The following MATK variants were observed in gnomAD, a reference collection of about 807,000 sequenced individuals.
MATK encodes the protein megakaryocyte-associated tyrosine kinase.
In MATK, 41 loss-of-function variants were observed where a neutral mutation model predicts 59.8. The ratio of observed to expected loss-of-function variants is 0.69; its 90% CI spans 0.53 to 0.89. The LOEUF is 0.89. Among genes scored for constraint, MATK ranks in the 40% least tolerant of loss-of-function variants. MATK has a pLI of 0.00. For synonymous variants in MATK, 308 were observed against 306.1 expected, an observed-to-expected ratio of 1.01 and a Z score of -0.06; for missense variants, 593 against 719.6, an observed-to-expected ratio of 0.82 and a Z score of 2.01.
At chr19:3,783,072 G>C in intron 7 of MATK, 54 bp downstream of exon 7, 1 of 1,573,314 alleles carries the variant, frequency 6.4e-7, no homozygotes, top group Non-Finnish European at 8.7e-7. Flanking sequence ...CCTTCCTCCC[G>C]GACTGGGCTA....
At chr19:3,796,525 G>A (rs2037596106) in intron 1 of MATK, among the ~76,000 whole-genome samples, 1 of 152,072 alleles carries the variant, frequency 6.6e-6, no homozygotes, top group South Asian at 2.1e-4. Flanking sequence ...TGTATACTAA[G>A]AACATTATTT....
chr19:3,784,717 G>A lies in MATK; in HGVS notation c.132+108C>T, dbSNP rs964609942. ...GAGAAAGGCCAGGCCGAGGCCAGCA[G>A]AAGGGGGTAGGGGGCAGAGAGTACA... On this transcript the variant is annotated intron_variant, in intron 3 of 13. Coordinates refer to ENST00000310132, the MANE Select transcript of MATK (RefSeq NM_139355.3). 8.8e-6 allele frequency: 7 copies of A among 797,862 alleles called. No individual in the cohort carries two copies. In the African/African-American group the frequency reaches 1.0e-4, roughly 12 times the overall value. 49.4% of individuals were successfully genotyped at this position (797,862 alleles called of 1,614,324 possible). A position where few individuals can be genotyped will look rare whatever the true frequency, so the allele number is the denominator to read the frequency against.
Position 3,785,051 on chromosome 19 carries a change from A to C in MATK, c.72+13T>G. ...ACTGGCTCCCCAAGCCCCTGTGGGGAAGTGATCTTTACCCGGGGAAGTTCC... is the reference window on the plus strand; with the variant it reads ...ACTGGCTCCCCAAGCCCCTGTGGGGCAGTGATCTTTACCCGGGGAAGTTCC... On this transcript the variant is annotated intron_variant, in intron 2 of 13. Coordinates refer to ENST00000310132, the MANE Select transcript of MATK (RefSeq NM_139355.3). The C allele has an allele frequency of 6.2e-7, 1 of 1,613,316 alleles. No homozygotes were observed. The highest frequency in any genetic ancestry group is 1.1e-5 in the South Asian group (1 of 91,062).
At chr19:3,791,283 G>A (rs919079842), upstream of MATK, among the ~76,000 whole-genome samples, 2 of 151,830 alleles carry the variant, frequency 1.3e-5, no homozygotes, top group African/African-American at 2.4e-5. Flanking sequence ...TGAGTCAGGC[G>A]GCACCAGGCT....
chr19:3,798,779 TG>T (rs1296575468), intron 1 of MATK, among the ~76,000 whole-genome samples: 1 of 151,916 alleles, frequency 6.6e-6, no homozygotes, highest in Non-Finnish European at 1.5e-5. Context: ...CCCAAAGTGC[TG>T]GGATTACAGG....
upstream of MATK, among the ~76,000 whole-genome samples, chr19:3,788,619 CAAAAAAAAAAAAAA>C (rs1171553701): frequency 1.4e-5 from 1 of 70,292 alleles, no homozygotes; most frequent in East Asian, 3.8e-4. Flanking sequence ...ACTCTGTCTC[CAAAAAAAAAAAAAA>C]AAAAAAAAAT....
At chr19:3,782,852 G>T in intron 7 of MATK, 1 of 499,306 alleles carries the variant, frequency 2.0e-6, no homozygotes, top group Admixed American at 3.6e-5. Context: ...AGGGAATGCT[G>T]GAGGATGGGG....
At chr19:3,789,574 G>A (rs2037520913), upstream of MATK, among the ~76,000 whole-genome samples, 1 of 152,292 alleles carries the variant, frequency 6.6e-6, no homozygotes, top group Admixed American at 6.5e-5. Context: ...GGCTGGGGCA[G>A]GGAGCTCCCC....
intron 6 of MATK, 27 bp downstream of exon 6, chr19:3,783,787 C>A: frequency 6.3e-7 from 1 of 1,595,182 alleles, no homozygotes; most frequent in African/African-American, 1.3e-5. Context: ...ACTGCAGGGA[C>A]GGGGTGGGGC....
At chr19:3,782,576 A>G (rs1237546232) in intron 7 of MATK, among the ~76,000 whole-genome samples, 2 of 152,168 alleles carry the variant, frequency 1.3e-5, no homozygotes, top group African/African-American at 2.4e-5. Context: ...GAGGGGGTGG[A>G]TGTGTGGAGG....
chr19:3,797,983 A>G (rs1346915533), intron 1 of MATK, among the ~76,000 whole-genome samples: 2 of 152,136 alleles, frequency 1.3e-5, no homozygotes, highest in Non-Finnish European at 2.9e-5. Flanking sequence ...TGAAGTTTGC[A>G]GTGAGCCAAG....
At chr19:3,800,874 T>C (rs1006785941) in intron 1 of MATK, among the ~76,000 whole-genome samples, 1 of 152,146 alleles carries the variant, frequency 6.6e-6, no homozygotes, top group African/African-American at 2.4e-5. Context: ...TATTTATGTA[T>C]TTTTGAGACA....
chr19:3,786,376 C>A lies in MATK; in HGVS notation c.-359G>T, dbSNP rs1027030913. ...GGCCCCCGCGGGTCCTAGCGCCGGC[C>A]GCACTGCGGTCTCCTCCGCGCGCCG... On this transcript the variant is annotated 5_prime_UTR_variant, in exon 1 of 14. Transcript: ENST00000310132. This position sits in a 1 kb window ranked among gnomAD's most constrained non-coding sequence, Gnocchi z 4.1. The A allele has an allele frequency of 2.0e-6, 2 of 982,556 alleles. No individual in the cohort carries two copies. Among genetic ancestry groups the A allele is most frequent in the Middle Eastern group, 5.2e-4 (1 of 1,908 alleles). The allele number at this position is 982,556 out of a possible 1,614,324, so 60.9% of individuals were successfully genotyped here. A position where few individuals can be genotyped will look rare whatever the true frequency, so the allele number is the denominator to read the frequency against.
intron 1 of MATK, among the ~76,000 whole-genome samples, chr19:3,794,479 C>T (rs542233478): frequency 6.6e-6 from 1 of 152,158 alleles, no homozygotes; most frequent in African/African-American, 2.4e-5. Context: ...CATAGTGAGA[C>T]CCTGTCTCTA....
At chr19:3,791,910 C>A (rs1013283006) in intron 1 of MATK, among the ~76,000 whole-genome samples, 1 of 152,014 alleles carries the variant, frequency 6.6e-6, no homozygotes, top group Non-Finnish European at 1.5e-5. Context: ...GAGTTCAAGA[C>A]CAGCCTGGCC....
chr19:3,799,870 C>T (rs1257847320), intron 1 of MATK, among the ~76,000 whole-genome samples: 31 of 137,028 alleles, frequency 2.3e-4, no homozygotes, highest in African/African-American at 7.1e-4. Flanking sequence ...CAGCCGGGCG[C>T]GGTGGCTCAC....
chr19:3,800,930 G>A (rs990322778), intron 1 of MATK, among the ~76,000 whole-genome samples: 4 of 151,916 alleles, frequency 2.6e-5, no homozygotes, highest in African/African-American at 9.7e-5. Flanking sequence ...GCGCAATCTC[G>A]GCTCACTACA....
At chr19:3,792,510 C>T (rs1291149881) in intron 1 of MATK, among the ~76,000 whole-genome samples, 45 of 99,714 alleles carry the variant, frequency 4.5e-4, no homozygotes, top group South Asian at 1.0e-3. Context: ...ATTTCCAACT[C>T]TTTTTTTTTT....
intron 1 of MATK, among the ~76,000 whole-genome samples, chr19:3,797,877 A>C (rs2037610205): frequency 6.6e-6 from 1 of 151,952 alleles, no homozygotes; most frequent in Admixed American, 6.6e-5. Flanking sequence ...CCCCATCTCT[A>C]CTAAATATAC....
Sources: gnomAD v4.1 joint callset for allele counts (sites outside exome capture counted in the v4.1 genomes callset) on GRCh38, gnomAD v4.1.1 for gene constraint, Gnocchi (gnomAD v3.1) non-coding constraint, MANE v1.5 for transcripts, NCBI Gene and HGNC (gene_info 2026-07-23, HGNC 2026-07-21) for gene names.